The following DOK6 variants were observed in gnomAD, a reference collection of about 807,000 sequenced individuals.
DOK6 encodes the protein downstream of tyrosine kinase 6.
In DOK6, 22 loss-of-function variants were observed where a neutral mutation model predicts 44.0. The observed-to-expected ratio is 0.50, with a 90% CI of 0.36 to 0.71. The LOEUF (loss-of-function observed/expected upper bound fraction) is 0.71. DOK6 is among the 30% of genes least tolerant of loss of function. The pLI, the probability that DOK6 is intolerant of heterozygous loss-of-function variation, is 0.00. For missense variants in DOK6, 340 were observed against 416.4 expected (o/e 0.82, Z 1.60); for synonymous variants, 166 against 145.5 (o/e 1.14, Z -1.01).
chr18:69,651,820 T>C (rs542867816), intron 3 of DOK6, among the ~76,000 whole-genome samples: 5 of 152,194 alleles, frequency 3.3e-5, no homozygotes, highest in African/African-American at 1.2e-4. Context: ...TTCTGCACTA[T>C]CTCCTTGCAA....
chr18:69,842,827 A>C lies in DOK6; in HGVS notation c.*1444A>C, dbSNP rs1337352288. 3.9e-5 allele frequency: 6 copies of C among 152,202 alleles called. No homozygotes were observed. Among genetic ancestry groups the C allele is most frequent in the Admixed American group, 3.9e-4 (6 of 15,278 alleles). 9.4% of individuals were successfully genotyped at this position (152,202 alleles called of 1,614,324 possible). A position where few individuals can be genotyped will look rare whatever the true frequency, so the allele number is the denominator to read the frequency against. On this transcript the variant is annotated 3_prime_UTR_variant, in exon 8 of 8. Coordinates refer to ENST00000382713, the MANE Select transcript of DOK6 (RefSeq NM_152721.6). Reference sequence around the variant, plus strand: ...CTGATGCTTTGTGCCTAAGATGGTTATCTCTCAAATACTCTAGGGTGGGTT... The same window carrying C: ...CTGATGCTTTGTGCCTAAGATGGTTCTCTCTCAAATACTCTAGGGTGGGTT...
intron 4 of DOK6, 125 bp from the exon 5 acceptor site, chr18:69,698,279 C>A: frequency 1.3e-6 from 1 of 756,136 alleles, no homozygotes; most frequent in Non-Finnish European, 2.1e-6. Context: ...AATGTTTATC[C>A]ATATCACCTA....
At chr18:69,508,812 T>A (rs1173491156) in intron 1 of DOK6, among the ~76,000 whole-genome samples, 1 of 152,164 alleles carries the variant, frequency 6.6e-6, no homozygotes, top group South Asian at 2.1e-4. Flanking sequence ...AACTGGAAGA[T>A]CCAGATATGG....
chr18:69,620,064 C>A (rs1007328800), intron 3 of DOK6, among the ~76,000 whole-genome samples: 10 of 151,744 alleles, frequency 6.6e-5, no homozygotes, highest in African/African-American at 2.4e-4. Context: ...GTGAACTTAC[C>A]AACCACCTTA....
intron 7 of DOK6, among the ~76,000 whole-genome samples, chr18:69,794,941 G>C (rs1214275685): frequency 2.6e-5 from 4 of 152,124 alleles, no homozygotes; most frequent in Non-Finnish European, 5.9e-5. Context: ...TCTAGCTGCA[G>C]GAAAACAAGC....
chr18:69,634,912 T>A (rs530735398), intron 3 of DOK6, among the ~76,000 whole-genome samples: 1 of 152,332 alleles, frequency 6.6e-6, no homozygotes, highest in East Asian at 1.9e-4. Context: ...TCCTTCTCAG[T>A]AAACTCTTTC....
chr18:69,498,302 G>C (rs1208621086), intron 1 of DOK6, among the ~76,000 whole-genome samples: 4 of 151,988 alleles, frequency 2.6e-5, no homozygotes, highest in African/African-American at 9.7e-5. Context: ...TTACTTTGTA[G>C]TATTGAAACA....
intron 2 of DOK6, among the ~76,000 whole-genome samples, chr18:69,580,032 T>C (rs902961066): frequency 6.6e-6 from 1 of 152,214 alleles, no homozygotes; most frequent in Non-Finnish European, 1.5e-5. Context: ...GTTCAAATAC[T>C]AACAATAATT....
intron 6 of DOK6, among the ~76,000 whole-genome samples, chr18:69,751,971 T>C (rs942190837): frequency 3.3e-5 from 5 of 152,210 alleles, no homozygotes; most frequent in African/African-American, 1.2e-4. Flanking sequence ...CCTTCTATTC[T>C]ACTTCATTCA....
intron 2 of DOK6, among the ~76,000 whole-genome samples, chr18:69,596,392 A>G (rs567697897): frequency 6.6e-6 from 1 of 152,278 alleles, no homozygotes; most frequent in South Asian, 2.1e-4. Flanking sequence ...CAATTAACTC[A>G]AAGTAGGATA....
chr18:69,547,804 T>G (rs934883083), intron 1 of DOK6, among the ~76,000 whole-genome samples: 1 of 150,764 alleles, frequency 6.6e-6, no homozygotes, highest in African/African-American at 2.4e-5. Flanking sequence ...ATGTGCAATA[T>G]TTGTCTTTCT....
chr18:69,695,553 A>C (rs201155010), intron 4 of DOK6, among the ~76,000 whole-genome samples: 1 of 152,234 alleles, frequency 6.6e-6, no homozygotes, highest in Non-Finnish European at 1.5e-5. Flanking sequence ...TCAGTAAAAC[A>C]AAGTGTATTA....
chr18:69,653,655 C>T (rs765312202), intron 3 of DOK6, among the ~76,000 whole-genome samples: 1 of 152,148 alleles, frequency 6.6e-6, no homozygotes, highest in African/African-American at 2.4e-5. Context: ...CTAGTCCTTA[C>T]AAAAACTGAA....
At chr18:69,544,017 G>A (rs1428692189) in intron 1 of DOK6, among the ~76,000 whole-genome samples, 2 of 151,120 alleles carry the variant, frequency 1.3e-5, no homozygotes, top group Admixed American at 6.6e-5. Context: ...GACAGTTCTT[G>A]CGGGGCTGAG....
intron 1 of DOK6, among the ~76,000 whole-genome samples, chr18:69,447,267 A>G (rs1263910461): frequency 1.3e-5 from 2 of 152,174 alleles, no homozygotes; most frequent in Non-Finnish European, 2.9e-5. Flanking sequence ...TCAGCTTTCT[A>G]CATATGGCTA....
intron 1 of DOK6, among the ~76,000 whole-genome samples, chr18:69,537,186 G>A (rs1982147909): frequency 6.6e-6 from 1 of 151,968 alleles, no homozygotes; most frequent in South Asian, 2.1e-4. Flanking sequence ...TTATTCACAA[G>A]GAATATTCCA....
intron 1 of DOK6, among the ~76,000 whole-genome samples, chr18:69,547,169 T>C (rs1262018449): frequency 6.6e-6 from 1 of 151,596 alleles, no homozygotes; most frequent in Non-Finnish European, 1.5e-5. Flanking sequence ...GGTGTGATCT[T>C]GGCTCACTGC....
chr18:69,635,181 T>C (rs139454592), intron 3 of DOK6, among the ~76,000 whole-genome samples: 18 of 152,294 alleles, frequency 1.2e-4, no homozygotes, highest in African/African-American at 4.3e-4. Flanking sequence ...TGATGGGTAC[T>C]TATGCATGGA....
At chr18:69,715,468 A>G (rs552247397) in intron 5 of DOK6, among the ~76,000 whole-genome samples, 1 of 152,226 alleles carries the variant, frequency 6.6e-6, no homozygotes, top group East Asian at 1.9e-4. Flanking sequence ...TAAGTAGCAT[A>G]TGGTCTGGCA....
Sources: gnomAD v4.1 joint callset for allele counts (sites outside exome capture counted in the v4.1 genomes callset) on GRCh38, gnomAD v4.1.1 for gene constraint, MANE v1.5 for transcripts, NCBI Gene and HGNC (gene_info 2026-07-23, HGNC 2026-07-21) for gene names.